The following NBPF11 variants were observed in gnomAD, a reference collection of about 807,000 sequenced individuals.
The protein encoded by NBPF11 is NBPF family member NBPF11.
In NBPF11, 72 loss-of-function variants were observed where a neutral mutation model predicts 93.9. The ratio of observed to expected loss-of-function variants is 0.77; its 90% confidence interval spans 0.63 to 0.93. The LOEUF (loss-of-function observed/expected upper bound fraction) is 0.93, where lower values mean the gene tolerates loss of function less well. Among genes scored for constraint, NBPF11 ranks in the 40% least tolerant of loss-of-function variants. The probability of loss-of-function intolerance (pLI) is 0.00; values close to 1 mark genes in which losing one functional copy is unlikely to be tolerated. For synonymous variants in NBPF11, 224 were observed against 304.9 expected (o/e 0.73, Z 2.76); for missense variants, 705 against 802.2 (o/e 0.88, Z 1.46).
In NBPF11 at chr1:148,120,486, G is replaced by A. The variant is rs1667571753; in HGVS notation, c.988+15C>T. The A allele has an allele frequency of 1.1e-6, 1 of 902,430 alleles. No individual in the cohort carries two copies. Among genetic ancestry groups the A allele is most frequent in the Non-Finnish European group, 1.9e-6 (1 of 530,606 alleles). 55.9% of individuals were successfully genotyped at this position (902,430 alleles called of 1,614,324 possible). A position where few individuals can be genotyped will look rare whatever the true frequency, so the allele number is the denominator to read the frequency against. On this transcript the variant is annotated intron_variant, in intron 10 of 23. Coordinates refer to ENST00000682118, the MANE Select transcript of NBPF11 (RefSeq NM_001385469.3). ...TCGTTCATCACTTTCGTGATGGTGA[G>A]CATATAGATCTTACTGTATTTGTTC...
At chr1:148,122,482 G>C (rs1367489138) in intron 8 of NBPF11, among the ~76,000 whole-genome samples, 7 of 152,086 alleles carry the variant, frequency 4.6e-5, no homozygotes, top group African/African-American at 1.7e-4. Context: ...GGTGTTCAGT[G>C]CACTGGACAG....
Position 148,122,141 on chromosome 1 carries a change from A to T in NBPF11, c.692T>A (p.Phe231Tyr). The change falls in exon 9 of 24, where the codon TTT becomes TAT. Residue 231 changes from phenylalanine (F) to tyrosine (Y), a missense_variant. Physicochemically the swap from Phe to Tyr is conservative, Grantham distance 22 (BLOSUM62 3). Transcript: ENST00000682118. ...AGATGAGTTGACTTTGTCTTCCTCA[A>T]ATGTGATTTTGATGTTCTTGTGAGG... The part of the protein sequence containing the change: ...IQPHKNIKIT[F>Y]EEDKVNSSLV... 1.2e-6 allele frequency: 2 copies of T among 1,613,334 alleles called. No individual in the cohort carries two copies. Among genetic ancestry groups the T allele is most frequent in the Non-Finnish European group, 1.7e-6 (2 of 1,179,590 alleles).
chr1:148,126,784 G>A (rs1669223995), intron 5 of NBPF11, 45 bp downstream of exon 5: 1 of 1,601,414 alleles, frequency 6.2e-7, no homozygotes. Context: ...AGCATTTAGT[G>A]TCTCACATTC....
intron 4 of NBPF11, 43 bp downstream of exon 4, chr1:148,135,629 C>G: frequency 1.7e-6 from 1 of 584,926 alleles, no homozygotes; most frequent in Non-Finnish European, 3.0e-6. Context: ...GGAAAAACTA[C>G]TGGTAGCATC....
At chr1:148,149,415 C>T (rs1647680583) in intron 1 of NBPF11, 7 of 1,581,020 alleles carry the variant, frequency 4.4e-6, no homozygotes, top group Non-Finnish European at 6.0e-6. Context: ...ATCGACTTCT[C>T]GCACGGGCTG....
At chr1:148,119,368 C>T (rs1361231255) in intron 10 of NBPF11, among the ~76,000 whole-genome samples, 2 of 152,084 alleles carry the variant, frequency 1.3e-5, no homozygotes, top group East Asian at 1.9e-4. Context: ...AATAAACGTT[C>T]TAGGAGATTG....
intron 1 of NBPF11, among the ~76,000 whole-genome samples, chr1:148,144,399 C>T (rs1354343462): frequency 2.0e-5 from 3 of 150,648 alleles, no homozygotes; most frequent in South Asian, 4.2e-4. Context: ...TGGTGAAAAC[C>T]GTGACACTTG....
intron 4 of NBPF11, among the ~76,000 whole-genome samples, chr1:148,132,934 T>C (rs1347275069): frequency 6.9e-6 from 1 of 144,638 alleles, no homozygotes; most frequent in Non-Finnish European, 1.5e-5. Context: ...GTATTTTTAG[T>C]AGAGATGGGG....
At chr1:148,141,116 A>G (rs1672092309) in intron 2 of NBPF11, among the ~76,000 whole-genome samples, 1 of 151,946 alleles carries the variant, frequency 6.6e-6, no homozygotes, top group Middle Eastern at 3.2e-3. Flanking sequence ...TAGAAGTAGT[A>G]AAACGATGAG....
chr1:148,115,162 C>CGCAAAAAAAAA lies in NBPF11; in HGVS notation c.1585+630_1585+631insTTTTTTTTTGC, dbSNP rs1666177688. ...CCTAGGTGACAGAGCAGGACTCCAT[C>CGCAAAAAAAAA]ACAAAAAAAAAAAAAAAAAAAAAAA... On this transcript the variant is annotated intron_variant, in intron 14 of 23. Transcript: ENST00000682118. 5.3e-4 allele frequency among the ~76,000 whole-genome samples: 8 copies of CGCAAAAAAAAA among 15,178 alleles called. 3 individuals are homozygous for CGCAAAAAAAAA. Among genetic ancestry groups the CGCAAAAAAAAA allele is most frequent in the South Asian group, 4.4e-3 (1 of 228 alleles). 10.0% of individuals were successfully genotyped at this position (15,178 alleles called of 152,430 possible).
intron 11 of NBPF11, among the ~76,000 whole-genome samples, chr1:148,117,992 T>A (rs1355571335): frequency 1.3e-5 from 2 of 151,688 alleles, no homozygotes; most frequent in Non-Finnish European, 2.9e-5. Context: ...TCCTGCAAGA[T>A]CCTCGATGAT....
Position 148,102,365 on chromosome 1 carries a change from T to C in NBPF11, c.*1531A>G, listed in dbSNP as rs1292321519. 1.3e-5 allele frequency: 2 copies of C among 151,860 alleles called. No individual in the cohort carries two copies. Among genetic ancestry groups the C allele is most frequent in the African/African-American group, 2.4e-5 (1 of 41,152 alleles). 9.4% of individuals were successfully genotyped at this position (151,860 alleles called of 1,614,324 possible). A position where few individuals can be genotyped will look rare whatever the true frequency, so the allele number is the denominator to read the frequency against. On this transcript the variant is annotated 3_prime_UTR_variant, in exon 24 of 24. Coordinates refer to ENST00000682118, the MANE Select transcript of NBPF11 (RefSeq NM_001385469.3). Reference sequence around the variant, plus strand: ...AATAAATGATAAAATGTTTAGAGGATGATCATTAGAATACAGGATATTTAT... The same window carrying C: ...AATAAATGATAAAATGTTTAGAGGACGATCATTAGAATACAGGATATTTAT...
intron 6 of NBPF11, among the ~76,000 whole-genome samples, chr1:148,124,458 G>C (rs1668608698): frequency 6.7e-6 from 1 of 149,338 alleles, no homozygotes; most frequent in Non-Finnish European, 1.5e-5. Context: ...GCCAGGTGCA[G>C]ATGGGGCGAA....
intron 9 of NBPF11, 111 bp downstream of exon 9, chr1:148,121,944 A>G (rs1392878290): frequency 2.2e-6 from 2 of 903,802 alleles, no homozygotes; most frequent in Non-Finnish European, 3.7e-6. Flanking sequence ...ACCTAGCTCC[A>G]TCCTAGTTTC....
chr1:148,116,812 T>G (rs1325718238), intron 12 of NBPF11, among the ~76,000 whole-genome samples: 193 of 152,176 alleles, frequency 1.3e-3, no homozygotes, highest in South Asian at 1.2e-3. Flanking sequence ...CTCTCTGGAC[T>G]TTGGCAGCTG....
intron 1 of NBPF11, chr1:148,149,247 G>A: frequency 6.3e-7 from 1 of 1,593,872 alleles, no homozygotes; most frequent in Non-Finnish European, 8.5e-7. Context: ...CGCTACGAGT[G>A]TGCCGCGGTG....
Position 148,120,714 on chromosome 1 carries a change from G to A in NBPF11, c.779-4C>T, listed in dbSNP as rs1362658132. On this transcript the variant is annotated splice_polypyrimidine_tract_variant and splice_region_variant and intron_variant, in intron 9 of 23. Transcript: ENST00000682118. The stretch of plus-strand genomic sequence containing the variant: ...GCAGAAGAGGTGGGGCCAGGGACTG[G>A]GGAGAAGAAAGGCAAACATATGATG... The A allele has an allele frequency of 6.7e-7, 1 of 1,500,584 alleles. No individual in the cohort carries two copies. The highest frequency in any genetic ancestry group is 1.7e-5 in the Admixed American group (1 of 59,828). 93.0% of individuals were successfully genotyped at this position (1,500,584 alleles called of 1,614,324 possible).
intron 21 of NBPF11, among the ~76,000 whole-genome samples, chr1:148,105,840 G>A (rs587634193): frequency 1.3e-3 from 177 of 139,086 alleles, no homozygotes; most frequent in Middle Eastern, 3.5e-3. Flanking sequence ...GGGAGTAACA[G>A]GACACTCTGA....
chr1:148,104,114 GACAGA>G, intron 23 of NBPF11, among the ~76,000 whole-genome samples: 2 of 90,080 alleles, frequency 2.2e-5, no homozygotes, highest in Non-Finnish European at 4.6e-5. Flanking sequence ...GAGAGAGAGA[GACAGA>G]GACAGAGACA....
Sources: gnomAD v4.1 joint callset for allele counts (sites outside exome capture counted in the v4.1 genomes callset) on GRCh38, gnomAD v4.1.1 for gene constraint, MANE v1.5 for transcripts, NCBI Gene and HGNC (gene_info 2026-07-23, HGNC 2026-07-21) for gene names.